Variants in TNFSF4 observed in about 807,000 individuals in gnomAD.
TNFSF4 encodes TNF superfamily member 4, also known as tumor necrosis factor ligand superfamily member 4.
In TNFSF4, 4 loss-of-function variants were observed where a neutral mutation model predicts 7.3. That is an observed-to-expected ratio of 0.55 (90% confidence interval 0.27 to 1.25). The LOEUF (loss-of-function observed/expected upper bound fraction) is 1.25, where lower values mean the gene tolerates loss of function less well. Among genes scored for constraint, TNFSF4 ranks in the 50% most tolerant of loss-of-function variants. The pLI, the probability that TNFSF4 is intolerant of heterozygous loss-of-function variation, is 0.12. For synonymous variants in TNFSF4, 76 were observed against 83.7 expected (o/e 0.91, Z 0.50); for missense variants, 181 against 208.8 (o/e 0.87, Z 0.82).
chr1:173,448,356 C>T, the TNFSF4 span, among the ~76,000 whole-genome samples: 2 of 152,104 alleles, frequency 1.3e-5, no homozygotes, highest in Non-Finnish European at 2.9e-5. Flanking sequence ...AAACCATATT[C>T]TGGACCATAA....
chr1:173,211,685 A>T (rs1435726669), upstream of TNFSF4, among the ~76,000 whole-genome samples: 1 of 152,202 alleles, frequency 6.6e-6, no homozygotes, highest in African/African-American at 2.4e-5. Flanking sequence ...ATTCCCCATG[A>T]AGGGCTGTCC....
chr1:173,324,403 A>G, the TNFSF4 span, among the ~76,000 whole-genome samples: 17 of 152,246 alleles, frequency 1.1e-4, no homozygotes, highest in African/African-American at 3.9e-4. Flanking sequence ...CAGCCACTGC[A>G]AAAACATGCC....
the TNFSF4 span, among the ~76,000 whole-genome samples, chr1:173,424,807 A>C: frequency 5.3e-5 from 8 of 152,252 alleles, no homozygotes; most frequent in Non-Finnish European, 1.2e-4. Context: ...TTCCTAAAAC[A>C]GAATTCCAAT....
chr1:173,190,571 C>G (rs1187312725), intron 1 of TNFSF4, among the ~76,000 whole-genome samples: 1 of 152,206 alleles, frequency 6.6e-6, no homozygotes, highest in Non-Finnish European at 1.5e-5. Flanking sequence ...TGGGTAGAAG[C>G]AGGAGTCTTT....
At chr1:173,284,171 G>A in the TNFSF4 span, among the ~76,000 whole-genome samples, 1 of 152,178 alleles carries the variant, frequency 6.6e-6, no homozygotes, top group Non-Finnish European at 1.5e-5. Flanking sequence ...TTTGAAGCTA[G>A]CAGAAGTCCC....
chr1:173,230,028 A>T, the TNFSF4 span, among the ~76,000 whole-genome samples: 3 of 152,160 alleles, frequency 2.0e-5, no homozygotes, highest in Admixed American at 2.0e-4. Flanking sequence ...GGTCAACAAG[A>T]CAGAAAGTTG....
chr1:173,267,637 T>G, the TNFSF4 span, among the ~76,000 whole-genome samples: 1 of 152,168 alleles, frequency 6.6e-6, no homozygotes, highest in African/African-American at 2.4e-5. Context: ...ATCTAGGTGG[T>G]TCTGGCTCAA....
chr1:173,387,534 G>A, the TNFSF4 span, among the ~76,000 whole-genome samples: 12 of 152,144 alleles, frequency 7.9e-5, no homozygotes, highest in African/African-American at 2.7e-4. Flanking sequence ...ATAAAGCAAA[G>A]ATGCATTAAG....
At chr1:173,199,180 C>A (rs959443402) in intron 1 of TNFSF4, among the ~76,000 whole-genome samples, 1 of 152,138 alleles carries the variant, frequency 6.6e-6, no homozygotes, top group Non-Finnish European at 1.5e-5. Flanking sequence ...GCAGGGAGGA[C>A]CACGTCTATT....
the TNFSF4 span, among the ~76,000 whole-genome samples, chr1:173,394,583 CATTGTCCAATCTATTGA>C: frequency 6.6e-6 from 1 of 152,168 alleles, no homozygotes; most frequent in African/African-American, 2.4e-5. Flanking sequence ...TGAGGATTGG[CATTGTCCAATCTATTGA>C]GGGCATGAAT....
At chr1:173,356,391 C>T in the TNFSF4 span, among the ~76,000 whole-genome samples, 30 of 152,200 alleles carry the variant, frequency 2.0e-4, 1 homozygote, top group Non-Finnish European at 2.9e-5. Context: ...GAGTTGAAAG[C>T]ATCAGGTTAC....
the TNFSF4 span, among the ~76,000 whole-genome samples, chr1:173,241,710 C>G: frequency 6.6e-6 from 1 of 152,172 alleles, no homozygotes; most frequent in Admixed American, 6.5e-5. Flanking sequence ...ACAGGGACAA[C>G]AGAGTGAGCC....
chr1:173,424,750 T>C, the TNFSF4 span, among the ~76,000 whole-genome samples: 4 of 152,166 alleles, frequency 2.6e-5, no homozygotes, highest in South Asian at 2.1e-4. Flanking sequence ...AAGTTGCAAA[T>C]GTGGATGAAA....
At chr1:173,314,405 TGCTA>T in the TNFSF4 span, among the ~76,000 whole-genome samples, 2 of 152,156 alleles carry the variant, frequency 1.3e-5, no homozygotes, top group Admixed American at 6.5e-5. Context: ...TGAGAATACT[TGCTA>T]GCCCTCAAGC....
At chr1:173,321,374 C>T in the TNFSF4 span, among the ~76,000 whole-genome samples, 1 of 151,912 alleles carries the variant, frequency 6.6e-6, no homozygotes, top group Admixed American at 6.6e-5. Flanking sequence ...CCCTAAAAAC[C>T]CTAGAAGAAA....
the TNFSF4 span, among the ~76,000 whole-genome samples, chr1:173,346,109 C>T: frequency 6.6e-6 from 1 of 152,160 alleles, no homozygotes; most frequent in African/African-American, 2.4e-5. Flanking sequence ...TCCACCCCTC[C>T]CCATCCACTG....
the TNFSF4 span, among the ~76,000 whole-genome samples, chr1:173,340,143 T>C: frequency 6.6e-6 from 1 of 152,058 alleles, no homozygotes; most frequent in African/African-American, 2.4e-5. Flanking sequence ...GAGACATCAG[T>C]TTTTTCCTGT....
chr1:173,363,590 G>A, the TNFSF4 span: 12 of 495,694 alleles, frequency 2.4e-5, no homozygotes, highest in Non-Finnish European at 4.5e-5. Context: ...GGCTTATTTG[G>A]GGAGTGTCGT....
the TNFSF4 span, among the ~76,000 whole-genome samples, chr1:173,230,691 TAAA>T: frequency 6.6e-6 from 1 of 151,242 alleles, no homozygotes; most frequent in Non-Finnish European, 1.5e-5. Context: ...GCAAGACTAA[TAAA>T]GAAGAAAAGA....
Sources: gnomAD v4.1 joint callset for allele counts (sites outside exome capture counted in the v4.1 genomes callset) on GRCh38, gnomAD v4.1.1 for gene constraint, MANE v1.5 for transcripts, NCBI Gene and HGNC (gene_info 2026-07-23, HGNC 2026-07-21) for gene names.